Variants in HMGCLL1 observed in about 807,000 individuals in gnomAD.
HMGCLL1 encodes 3-hydroxy-3-methylglutaryl-CoA lyase like 1, also known as 3-hydroxymethyl-3-methylglutaryl-CoA lyase, cytoplasmic.
A neutral mutation model predicts 39.1 loss-of-function variants in HMGCLL1; 36 were observed. The ratio of observed to expected loss-of-function variants is 0.92; its 90% CI spans 0.71 to 1.22. HMGCLL1 has a LOEUF of 1.22. HMGCLL1 is among the 50% of genes most tolerant of loss of function. HMGCLL1 has a pLI of 0.00. For missense variants in HMGCLL1, 451 were observed against 416.5 expected (o/e 1.08, Z -0.72); for synonymous variants, 149 against 144.0 (o/e 1.03, Z -0.25).
At chr6:55,665,660 C>A in the HMGCLL1 span, among the ~76,000 whole-genome samples, 2 of 151,688 alleles carry the variant, frequency 1.3e-5, no homozygotes, top group African/African-American at 4.8e-5. Flanking sequence ...TTGGAAAATT[C>A]TCTTGGGCTT....
intron 7 of HMGCLL1, among the ~76,000 whole-genome samples, chr6:55,491,010 A>C (rs1766281828): frequency 6.6e-6 from 1 of 152,072 alleles, no homozygotes; most frequent in African/African-American, 2.4e-5. Flanking sequence ...GGTTATACAC[A>C]CTTGAAAATC....
intron 5 of HMGCLL1, 87 bp from the exon 6 acceptor site, chr6:55,499,386 A>C (rs1766760343): frequency 2.0e-6 from 2 of 990,528 alleles, no homozygotes; most frequent in Non-Finnish European, 3.0e-6. Context: ...CTGAAACTGC[A>C]TCAAGAAAAT....
At chr6:55,612,889 G>A in the HMGCLL1 span, among the ~76,000 whole-genome samples, 3 of 152,062 alleles carry the variant, frequency 2.0e-5, no homozygotes. Flanking sequence ...CATAGGCATG[G>A]GCAAAGATTT....
chr6:55,437,905 G>A (rs2127378652), intron 8 of HMGCLL1, among the ~76,000 whole-genome samples: 1 of 152,068 alleles, frequency 6.6e-6, no homozygotes, highest in East Asian at 1.9e-4. Flanking sequence ...AGCAGCTCTT[G>A]GTAACTGATT....
chr6:55,558,901 A>C (rs1017965171), intron 1 of HMGCLL1, among the ~76,000 whole-genome samples: 1 of 152,168 alleles, frequency 6.6e-6, no homozygotes, highest in African/African-American at 2.4e-5. Flanking sequence ...TAATTTATCT[A>C]ACCTTGTTCA....
the HMGCLL1 span, among the ~76,000 whole-genome samples, chr6:55,621,549 G>A: frequency 9.2e-5 from 14 of 151,744 alleles, no homozygotes; most frequent in Middle Eastern, 6.8e-3. Flanking sequence ...TCTAGGTTGC[G>A]TGCTCCTTAT....
At chr6:55,631,303 T>G in the HMGCLL1 span, among the ~76,000 whole-genome samples, 2 of 151,892 alleles carry the variant, frequency 1.3e-5, no homozygotes, top group Admixed American at 6.6e-5. Context: ...TTATGAAGAC[T>G]TTTTTTTATA....
Position 55,461,793 on chromosome 6 carries a change from G to C in HMGCLL1, c.796-22234C>G, listed in dbSNP as rs181372710. 2.8e-3 allele frequency among the ~76,000 whole-genome samples: 427 copies of C among 152,128 alleles called. 2 individuals carry two copies. Among genetic ancestry groups the C allele is most frequent in the African/African-American group, 9.8e-3 (407 of 41,524 alleles). On this transcript the variant is annotated intron_variant, in intron 7 of 8. Coordinates refer to ENST00000274901, the MANE Select transcript of HMGCLL1 (RefSeq NM_001042406.2). ...AATAAACTAAAAAGTACTCAAGATA[G>C]TCAATAAAAAAGTGATTACTCTGGA...
At chr6:55,499,812 C>G (rs1216268331) in intron 5 of HMGCLL1, among the ~76,000 whole-genome samples, 2 of 151,826 alleles carry the variant, frequency 1.3e-5, no homozygotes, top group African/African-American at 4.8e-5. Context: ...CATTTTTTCT[C>G]TCTCTCTCAT....
At chr6:55,585,607 A>G in the HMGCLL1 span, among the ~76,000 whole-genome samples, 2 of 152,104 alleles carry the variant, frequency 1.3e-5, no homozygotes, top group East Asian at 3.8e-4. Context: ...ACTATCAATT[A>G]TAATTATAAA....
chr6:55,513,556 A>AG (rs1561928426), intron 5 of HMGCLL1: 1 of 154,106 alleles, frequency 6.5e-6, no homozygotes, highest in African/African-American at 2.4e-5. Flanking sequence ...TCAGCCATTG[A>AG]GGGGGAGAAA....
At chr6:55,602,008 C>A in the HMGCLL1 span, among the ~76,000 whole-genome samples, 1 of 151,972 alleles carries the variant, frequency 6.6e-6, no homozygotes, top group Non-Finnish European at 1.5e-5. Context: ...ACAAAAATTT[C>A]TTCATTTTTA....
At chr6:55,553,636 G>A (rs1770487173) in intron 1 of HMGCLL1, among the ~76,000 whole-genome samples, 1 of 152,130 alleles carries the variant, frequency 6.6e-6, no homozygotes, top group Non-Finnish European at 1.5e-5. Flanking sequence ...ATGAGAATGT[G>A]TATATAAAGC....
At chr6:55,610,473 C>T in the HMGCLL1 span, among the ~76,000 whole-genome samples, 1 of 151,342 alleles carries the variant, frequency 6.6e-6, no homozygotes, top group Non-Finnish European at 1.5e-5. Context: ...GGCAGGCAGA[C>T]AAGATTAGAG....
At chr6:55,454,308 T>G (rs1764233201) in intron 7 of HMGCLL1, among the ~76,000 whole-genome samples, 3 of 152,250 alleles carry the variant, frequency 2.0e-5, no homozygotes, top group African/African-American at 4.8e-5. Context: ...ATATGGGTTT[T>G]GGGGAGCCCT....
chr6:55,621,988 C>T, the HMGCLL1 span, among the ~76,000 whole-genome samples: 1 of 151,876 alleles, frequency 6.6e-6, no homozygotes, highest in African/African-American at 2.4e-5. Flanking sequence ...AGAGAACTTT[C>T]TCTTCTTTGG....
chr6:55,495,520 T>A lies in HMGCLL1; in HGVS notation c.694A>T (p.Met232Leu), dbSNP rs772234853. 5.0e-6 allele frequency: 8 copies of A among 1,613,854 alleles called. No individual in the cohort carries two copies. Among genetic ancestry groups the A allele is most frequent in the Non-Finnish European group, 5.9e-6 (7 of 1,179,906 alleles). ...ATTTCTTTCATCACACTTTCCAACATTCTTTTCATACTTCCTGGAGTTCCC... is the reference window on the plus strand; with the variant it reads ...ATTTCTTTCATCACACTTTCCAACAATCTTTTCATACTTCCTGGAGTTCCC... ...GVGTPGSMKR[M>L]LESVMKEIPP... Residue 232 changes from methionine to leucine, a missense_variant, in exon 7 of 9, where the codon ATG (methionine) becomes TTG (leucine). Coordinates refer to ENST00000274901, the MANE Select transcript of HMGCLL1 (RefSeq NM_001042406.2).
chr6:55,593,746 A>C, the HMGCLL1 span, among the ~76,000 whole-genome samples: 1 of 152,174 alleles, frequency 6.6e-6, no homozygotes, highest in South Asian at 2.1e-4. Flanking sequence ...ACCTATACCT[A>C]ACTTACATTT....
chr6:55,645,642 T>A, the HMGCLL1 span, among the ~76,000 whole-genome samples: 1 of 152,006 alleles, frequency 6.6e-6, no homozygotes, highest in Non-Finnish European at 1.5e-5. Flanking sequence ...CTTTTCAGAA[T>A]GAATTGAAAT....
Sources: allele counts gnomAD v4.1 joint callset (sites outside exome capture counted in the v4.1 genomes callset), GRCh38; gene constraint gnomAD v4.1.1; transcripts MANE v1.5; gene names NCBI Gene and HGNC (gene_info 2026-07-23, HGNC 2026-07-21).